AMBN: variants seen among roughly 807,000 people sequenced by gnomAD.
AMBN encodes the protein ameloblastin.
Under a neutral mutation model 48.0 loss-of-function variants are expected in AMBN, and 54 were observed. That is an observed-to-expected ratio of 1.12 (90% CI 0.90 to 1.41). The LOEUF (loss-of-function observed/expected upper bound fraction) is 1.41. AMBN is among the 40% of genes most tolerant of loss of function. AMBN has a pLI of 0.00. For missense variants in AMBN, 571 were observed against 547.3 expected, an observed-to-expected ratio of 1.04 and a Z score of -0.43; for synonymous variants, 186 against 190.0, an observed-to-expected ratio of 0.98 and a Z score of 0.17.
intron 4 of AMBN, 146 bp from the exon 5 acceptor site, chr4:70,599,390 G>C: frequency 1.9e-6 from 1 of 520,958 alleles, no homozygotes; most frequent in Non-Finnish European, 3.3e-6. Context: ...GCAGTGAGCT[G>C]AGATTGCGCC....
chr4:70,602,118 A>T (rs560047086), intron 6 of AMBN, among the ~76,000 whole-genome samples: 1 of 150,212 alleles, frequency 6.7e-6, no homozygotes, highest in East Asian at 1.9e-4. Context: ...GTAATGGATT[A>T]AAAAAAAAAT....
chr4:70,603,363 A>C, intron 10 of AMBN, 44 bp downstream of exon 10: 1 of 1,613,036 alleles, frequency 6.2e-7, no homozygotes, highest in Non-Finnish European at 8.5e-7. Flanking sequence ...AATTTACTTA[A>C]AAGTTTTTCC....
chr4:70,600,912 G>A (rs1263922087), intron 5 of AMBN, among the ~76,000 whole-genome samples: 2 of 152,050 alleles, frequency 1.3e-5, no homozygotes, highest in African/African-American at 4.8e-5. Context: ...AATTTGATTG[G>A]CATTTTAATT....
At chr4:70,606,146 T>A in intron 12 of AMBN, 39 bp from the exon 13 acceptor site, 1 of 1,607,528 alleles carries the variant, frequency 6.2e-7, no homozygotes, top group Non-Finnish European at 8.5e-7. Context: ...GTTAATAGCA[T>A]GTGATGATGG....
intron 1 of AMBN, among the ~76,000 whole-genome samples, chr4:70,592,668 G>A (rs1416089655): frequency 6.6e-6 from 1 of 151,912 alleles, no homozygotes; most frequent in Non-Finnish European, 1.5e-5. Context: ...CTCTATTCAT[G>A]TAAGAATAAA....
intron 6 of AMBN, chr4:70,601,914 T>C: frequency 3.5e-6 from 2 of 577,512 alleles, no homozygotes; most frequent in South Asian, 1.5e-5. Context: ...TTGCGAAAGA[T>C]GAAAACTCCC....
At chr4:70,598,200 A>G (rs140816853) in intron 3 of AMBN, among the ~76,000 whole-genome samples, 156 bp from the exon 4 acceptor site, 2 of 152,342 alleles carry the variant, frequency 1.3e-5, no homozygotes, top group South Asian at 2.1e-4. Context: ...ACCAAATTTA[A>G]TATTTCCACC....
chr4:70,592,270 A>AC lies in AMBN; in HGVS notation c.-89_-88insC. 4 of 1,232,352 alleles carry AC rather than the reference A, an allele frequency of 3.2e-6. No homozygotes were observed. Among genetic ancestry groups the AC allele is most frequent in the Non-Finnish European group, 4.7e-6 (4 of 849,920 alleles). The allele number at this position is 1,232,352 out of a possible 1,614,324, so 76.3% of individuals were successfully genotyped here. Reference sequence around the variant, plus strand: ...CTTCCCTGAATGAGAAGTACAGAGCAAGTCCCACGCACAGTCCTGAAAAAA... The same window carrying AC: ...CTTCCCTGAATGAGAAGTACAGAGCACAGTCCCACGCACAGTCCTGAAAAAA... On this transcript the variant is annotated 5_prime_UTR_variant, in exon 1 of 13. Coordinates refer to ENST00000322937, the MANE Select transcript of AMBN (RefSeq NM_016519.6).
chr4:70,603,138 T>C (rs1446942771), intron 9 of AMBN, 122 bp from the exon 10 acceptor site: 2 of 1,339,128 alleles, frequency 1.5e-6, no homozygotes, highest in Non-Finnish European at 2.1e-6. Context: ...TTTGTTCTCT[T>C]AAATATTAAA....
intron 2 of AMBN, among the ~76,000 whole-genome samples, chr4:70,596,617 C>T (rs879391233): frequency 2.6e-5 from 4 of 152,154 alleles, no homozygotes; most frequent in Non-Finnish European, 5.9e-5. Flanking sequence ...GAAAATTCAG[C>T]TTGGGTTTGT....
rs201142712 is a variant in AMBN, at chr4:70,606,691, C to G, written c.1305C>G (p.Pro435=). The G allele has an allele frequency of 1.2e-6, 2 of 1,613,848 alleles. No homozygotes were observed. The highest frequency in any genetic ancestry group is 1.3e-5 in the African/African-American group (1 of 75,044). ...TSMPGNKAQE[P]EMMHDAWHFQ... ...TGCCAGGAAACAAAGCCCAGGAGCC[C>G]GAGATGATGCATGACGCATGGCATT... Residue 435 remains proline (P), a synonymous_variant, in exon 13 of 13, where the codon CCC becomes CCG. Transcript: ENST00000322937.
In AMBN at chr4:70,603,291, G is replaced by A. The variant is rs1737567422; in HGVS notation, c.680G>A (p.Gly227Glu). ...CAAATAGCCCGTTTGATTTCTCACGGACCAATGCCACAAAATAAACAATCT... is the reference window on the plus strand; with the variant it reads ...CAAATAGCCCGTTTGATTTCTCACGAACCAATGCCACAAAATAAACAATCT... ...IFQIARLISH[G>E]PMPQNKQSPL... The change falls in exon 10 of 13, where the codon GGA (glycine) becomes GAA (glutamate). Residue 227 changes from glycine (G) to glutamate (E), a missense_variant. Physicochemically the swap from Gly to Glu is moderately conservative, Grantham distance 98. Coordinates refer to ENST00000322937, the MANE Select transcript of AMBN (RefSeq NM_016519.6). 1 of 1,613,576 alleles carries A rather than the reference G, an allele frequency of 6.2e-7. No homozygotes were observed. Among genetic ancestry groups the A allele is most frequent in the Non-Finnish European group, 8.5e-7 (1 of 1,179,792 alleles).
At chr4:70,604,024 A>T (rs1466702198) in intron 12 of AMBN, 103 bp downstream of exon 12, 2 of 1,138,700 alleles carry the variant, frequency 1.8e-6, no homozygotes, top group East Asian at 2.5e-5. Flanking sequence ...CCAAATGAGC[A>T]TGGGACTCAG....
At chr4:70,600,000 A>G (rs1156558865) in intron 5 of AMBN, among the ~76,000 whole-genome samples, 1 of 152,174 alleles carries the variant, frequency 6.6e-6, no homozygotes, top group African/African-American at 2.4e-5. Context: ...TCAAATGATG[A>G]CAATAATCCT....
Position 70,606,836 on chromosome 4 carries a change from T to C in AMBN, c.*106T>C. The C allele has an allele frequency of 8.0e-7, 1 of 1,242,424 alleles. No individual in the cohort carries two copies. The highest frequency in any genetic ancestry group is 1.1e-6 in the Non-Finnish European group (1 of 917,776). The allele number at this position is 1,242,424 out of a possible 1,614,324, so 77.0% of individuals were successfully genotyped here. ...TTATTACCCTTCTGCAGCAAAGGCATTAAAAGCGCTAAGCATATATTAATA... is the reference window on the plus strand; with the variant it reads ...TTATTACCCTTCTGCAGCAAAGGCACTAAAAGCGCTAAGCATATATTAATA... On this transcript the variant is annotated 3_prime_UTR_variant, in exon 13 of 13. Transcript: ENST00000322937.
At chr4:70,595,419 T>A (rs1226721992) in intron 2 of AMBN, among the ~76,000 whole-genome samples, 1 of 151,986 alleles carries the variant, frequency 6.6e-6, no homozygotes, top group East Asian at 1.9e-4. Flanking sequence ...ATTCCTGACC[T>A]CATGATTTGC....
At chr4:70,602,573 C>T (rs1252684618) in intron 6 of AMBN, 51 bp from the exon 7 acceptor site, 2 of 1,339,068 alleles carry the variant, frequency 1.5e-6, no homozygotes, top group Non-Finnish European at 2.0e-6. Flanking sequence ...GTCACTTTGT[C>T]TATTTTGTTT....
At chr4:70,599,206 G>T (rs375496198) in intron 4 of AMBN, among the ~76,000 whole-genome samples, 3 of 152,032 alleles carry the variant, frequency 2.0e-5, no homozygotes, top group African/African-American at 7.2e-5. Flanking sequence ...ATTTTGGGAG[G>T]CCAAGGTGGG....
chr4:70,606,730 A>G lies in AMBN; in HGVS notation c.1344A>G (p.Ter448TrpextTer3), dbSNP rs775244856. The G allele has an allele frequency of 2.5e-6, 4 of 1,608,694 alleles. No homozygotes were observed. The South Asian group carries it at 4.4e-5, about 18-fold the overall frequency. Residue 448 changes from the stop codon to tryptophan, a stop_lost, in exon 13 of 13, where the codon TGA becomes TGG. Coordinates refer to ENST00000322937, the MANE Select transcript of AMBN (RefSeq NM_016519.6). Reference protein sequence around the residue: ...MHDAWHFQEP* With the variant: ...MHDAWHFQEPW ...ACGCATGGCATTTCCAAGAGCCCTG[A>G]CAGCTCTAAGATATTAGCTACTTTC...
Sources: allele counts gnomAD v4.1 joint callset (sites outside exome capture counted in the v4.1 genomes callset), GRCh38; gene constraint gnomAD v4.1.1; transcripts MANE v1.5; gene names NCBI Gene and HGNC (gene_info 2026-07-23, HGNC 2026-07-21).